HSD17B3: variants seen among roughly 807,000 people sequenced by gnomAD.
The protein encoded by HSD17B3 is 17-beta-hydroxysteroid dehydrogenase type 3.
A neutral mutation model predicts 41.1 loss-of-function variants in HSD17B3; 29 were observed. That is an observed-to-expected ratio of 0.71 (90% confidence interval 0.53 to 0.96). The LOEUF (loss-of-function observed/expected upper bound fraction) is 0.96. Ranked by LOEUF, HSD17B3 falls within the 40% of genes least tolerant of loss-of-function variation. The pLI, the probability that HSD17B3 is intolerant of heterozygous loss-of-function variation, is 0.00. For missense variants in HSD17B3, 323 were observed against 374.6 expected, an observed-to-expected ratio of 0.86 and a Z score of 1.14; for synonymous variants, 126 against 145.6, an observed-to-expected ratio of 0.87 and a Z score of 0.97.
chr9:96,260,599 TA>T (rs1303346297), intron 2 of HSD17B3, among the ~76,000 whole-genome samples: 1 of 151,884 alleles, frequency 6.6e-6, no homozygotes, highest in African/African-American at 2.4e-5. Flanking sequence ...ATCTCTACTT[TA>T]AAAAAATACA....
At chr9:96,248,434 C>T (rs1836759342) in intron 6 of HSD17B3, among the ~76,000 whole-genome samples, 1 of 152,240 alleles carries the variant, frequency 6.6e-6, no homozygotes. Context: ...ATCTGTCCTC[C>T]CCTACTTCCA....
At chr9:96,249,555 G>C in intron 6 of HSD17B3, 196 bp downstream of exon 6, 1 of 621,768 alleles carries the variant, frequency 1.6e-6, no homozygotes, top group Non-Finnish European at 2.9e-6. Context: ...ATACAAGGGA[G>C]AGTTGAATCC....
At chr9:96,265,092 C>A (rs1826004785) in intron 2 of HSD17B3, among the ~76,000 whole-genome samples, 1 of 152,146 alleles carries the variant, frequency 6.6e-6, no homozygotes, top group South Asian at 2.1e-4. Context: ...TTTGCTGTTA[C>A]CAAATCTTTG....
At chr9:96,270,556 C>T (rs1321936492) in intron 2 of HSD17B3, among the ~76,000 whole-genome samples, 1 of 152,222 alleles carries the variant, frequency 6.6e-6, no homozygotes, top group Non-Finnish European at 1.5e-5. Flanking sequence ...GCAAAGTAAG[C>T]ATGTGCTATT....
chr9:96,246,695 C>T, intron 6 of HSD17B3, 105 bp from the exon 7 acceptor site: 1 of 966,312 alleles, frequency 1.0e-6, no homozygotes. Context: ...GGGAAAGAGC[C>T]TCATCTTCTC....
intron 4 of HSD17B3, among the ~76,000 whole-genome samples, chr9:96,252,170 A>C (rs1825441274): frequency 1.3e-5 from 2 of 152,194 alleles, no homozygotes; most frequent in Admixed American, 1.3e-4. Context: ...TAATTCCTTT[A>C]GGCCAATGTT....
At chr9:96,239,353 A>G (rs910816721) in intron 10 of HSD17B3, 3 of 152,242 alleles carry the variant, frequency 2.0e-5, no homozygotes, top group African/African-American at 7.2e-5. Context: ...TGAGATGACT[A>G]GATCAAACTC....
chr9:96,299,609 T>A, intron 1 of HSD17B3, among the ~76,000 whole-genome samples: 1 of 152,172 alleles, frequency 6.6e-6, no homozygotes, highest in Non-Finnish European at 1.5e-5. Context: ...AAAACAAACC[T>A]AAAATGCAGG....
At position 96,244,389 on chromosome 9, in the gene HSD17B3, A is replaced by T. The variant is rs201834616; in HGVS notation, c.612T>A (p.Phe204Leu). 1.9e-6 allele frequency: 3 copies of T among 1,614,134 alleles called. No homozygotes were observed. Among genetic ancestry groups the T allele is most frequent in the Non-Finnish European group, 2.5e-6 (3 of 1,180,008 alleles). The change falls in exon 9 of 11, where the codon TTT becomes TTA. Residue 204 changes from phenylalanine (F) to leucine (L), a missense_variant. Physicochemically the swap from Phe to Leu is conservative, Grantham distance 22. Coordinates refer to ENST00000375263, the MANE Select transcript of HSD17B3 (RefSeq NM_000197.2). ...LYSMYSASKA[F>L]VCAFSKALQE... ...GCAGGGCCTTGGAAAATGCGCACAC[A>T]AACGCCTGGAGCAAGAAGGAGAGAC...
At chr9:96,244,522 G>A (rs1836581693) in intron 8 of HSD17B3, 128 bp from the exon 9 acceptor site, 1 of 791,782 alleles carries the variant, frequency 1.3e-6, no homozygotes, top group African/African-American at 1.7e-5. Context: ...GGGGAGCTCT[G>A]GGTACGGAGG....
intron 2 of HSD17B3, among the ~76,000 whole-genome samples, chr9:96,296,093 T>G (rs1045681417): frequency 6.6e-6 from 1 of 151,558 alleles, no homozygotes; most frequent in East Asian, 1.9e-4. Flanking sequence ...TACAAAAAAT[T>G]TAAAAATTAG....
At chr9:96,241,627 G>T (rs1836441468) in intron 9 of HSD17B3, among the ~76,000 whole-genome samples, 2 of 152,128 alleles carry the variant, frequency 1.3e-5, no homozygotes, top group South Asian at 4.1e-4. Context: ...CCAGAACAAA[G>T]GGTTTGGCAT....
intron 2 of HSD17B3, among the ~76,000 whole-genome samples, chr9:96,264,960 C>G (rs1380068483): frequency 6.6e-6 from 1 of 152,084 alleles, no homozygotes; most frequent in African/African-American, 2.4e-5. Flanking sequence ...TTAAAGAAAA[C>G]TTTATTCCAA....
intron 2 of HSD17B3, among the ~76,000 whole-genome samples, chr9:96,261,243 G>A (rs1177749976): frequency 1.7e-5 from 1 of 59,890 alleles, no homozygotes; most frequent in Non-Finnish European, 3.5e-5. Flanking sequence ...CAGTAGAAAT[G>A]TAAGTGTTTA....
chr9:96,254,027 T>C (rs1587731092), intron 3 of HSD17B3, among the ~76,000 whole-genome samples: 1 of 152,166 alleles, frequency 6.6e-6, no homozygotes, highest in East Asian at 1.9e-4. Context: ...CAAGTCTCCA[T>C]AACTAAAGTC....
intron 5 of HSD17B3, chr9:96,251,195 G>C: frequency 1.7e-6 from 1 of 591,680 alleles, no homozygotes. Flanking sequence ...GATGTGCAGA[G>C]AAGGAGGAAG....
chr9:96,288,798 C>T (rs1259286653), intron 2 of HSD17B3, among the ~76,000 whole-genome samples: 4 of 151,906 alleles, frequency 2.6e-5, no homozygotes, highest in African/African-American at 7.3e-5. Context: ...ATTAGCCAGG[C>T]GTGGTGTGGG....
intron 2 of HSD17B3, among the ~76,000 whole-genome samples, chr9:96,296,270 T>C (rs778801264): frequency 2.6e-5 from 4 of 151,334 alleles, no homozygotes; most frequent in Non-Finnish European, 4.4e-5. Context: ...AGAAGAAACA[T>C]CAGAGAGTTT....
chr9:96,264,368 A>C (rs1046018121), intron 2 of HSD17B3, among the ~76,000 whole-genome samples: 4 of 152,060 alleles, frequency 2.6e-5, no homozygotes, highest in African/African-American at 9.7e-5. Flanking sequence ...TGAGAGAGGG[A>C]CTTTGTATGG....
Sources: allele counts gnomAD v4.1 joint callset (sites outside exome capture counted in the v4.1 genomes callset), GRCh38; gene constraint gnomAD v4.1.1; transcripts MANE v1.5; gene names NCBI Gene and HGNC (gene_info 2026-07-23, HGNC 2026-07-21).